CDK19: variants seen among roughly 807,000 people sequenced by gnomAD.
The protein encoded by CDK19 is cyclin-dependent kinase 19.
A neutral mutation model predicts 68.3 loss-of-function variants in CDK19; 20 were observed. That is an observed-to-expected ratio of 0.29 (90% confidence interval 0.21 to 0.43). The LOEUF (loss-of-function observed/expected upper bound fraction) is 0.43, where lower values mean the gene tolerates loss of function less well. Among genes scored for constraint, CDK19 ranks in the 20% least tolerant of loss-of-function variants. The pLI is 1.00. For synonymous variants in CDK19, 221 were observed against 222.8 expected (o/e 0.99, Z 0.07); for missense variants, 339 against 623.5 (o/e 0.54, Z 4.86).
intron 1 of CDK19, among the ~76,000 whole-genome samples, chr6:110,800,629 T>C (rs1292628064): frequency 2.6e-5 from 4 of 152,150 alleles, no homozygotes; most frequent in African/African-American, 9.7e-5. Flanking sequence ...ATTCCTGGGA[T>C]GCAAGGATGG....
At chr6:110,805,907 G>C (rs953556144) in intron 1 of CDK19, among the ~76,000 whole-genome samples, 1 of 150,488 alleles carries the variant, frequency 6.6e-6, no homozygotes, top group African/African-American at 2.5e-5. Context: ...AGTAGCTTAA[G>C]CCCAGGAGGC....
chr6:110,724,904 TATA>T (rs1776214994), intron 2 of CDK19, among the ~76,000 whole-genome samples: 1 of 152,140 alleles, frequency 6.6e-6, no homozygotes, highest in African/African-American at 2.4e-5. Flanking sequence ...AATTCTAAAT[TATA>T]CAGATATGGG....
intron 2 of CDK19, among the ~76,000 whole-genome samples, chr6:110,691,723 T>C (rs1016231504): frequency 1.1e-4 from 17 of 150,996 alleles, no homozygotes; most frequent in Admixed American, 6.6e-4. Flanking sequence ...TCTTGGCTCA[T>C]TGCAACCTCC....
At chr6:110,748,104 C>T (rs1364750658) in intron 1 of CDK19, among the ~76,000 whole-genome samples, 1 of 152,108 alleles carries the variant, frequency 6.6e-6, no homozygotes, top group African/African-American at 2.4e-5. Context: ...ATTTTTTCAA[C>T]AGAAACATTT....
intron 2 of CDK19, among the ~76,000 whole-genome samples, chr6:110,692,598 G>A (rs560446114): frequency 6.6e-6 from 1 of 152,290 alleles, no homozygotes; most frequent in East Asian, 1.9e-4. Context: ...CCTGGCCTTT[G>A]GCTAGAGATT....
intron 2 of CDK19, among the ~76,000 whole-genome samples, chr6:110,682,586 C>T (rs987125696): frequency 2.8e-4 from 42 of 152,258 alleles, no homozygotes; most frequent in African/African-American, 9.9e-4. Context: ...TTCAAGGTGG[C>T]CCTAAATCTT....
chr6:110,780,095 G>T (rs1780689425), intron 1 of CDK19, among the ~76,000 whole-genome samples: 1 of 152,042 alleles, frequency 6.6e-6, no homozygotes, highest in African/African-American at 2.4e-5. Flanking sequence ...GCACATGTCT[G>T]TAATCCCAGC....
intron 9 of CDK19, 103 bp downstream of exon 9, chr6:110,623,187 A>T (rs1778822572): frequency 2.2e-6 from 2 of 912,240 alleles, no homozygotes; most frequent in Non-Finnish European, 3.5e-6. Flanking sequence ...TTACCCCAGC[A>T]TCCACTAATT....
chr6:110,658,769 G>A (rs969336610), intron 4 of CDK19, among the ~76,000 whole-genome samples: 12 of 152,156 alleles, frequency 7.9e-5, no homozygotes, highest in African/African-American at 2.9e-4. Context: ...GCTTTGTAAA[G>A]CTGAAGGGGC....
intron 5 of CDK19, among the ~76,000 whole-genome samples, chr6:110,637,591 G>A (rs965590196): frequency 6.6e-6 from 1 of 152,278 alleles, no homozygotes; most frequent in South Asian, 2.1e-4. Context: ...CTTTAGCATG[G>A]TATATTCTAA....
At chr6:110,798,628 G>GAAAAAA (rs59236293) in intron 1 of CDK19, among the ~76,000 whole-genome samples, 2 of 56,728 alleles carry the variant, frequency 3.5e-5, no homozygotes, top group Non-Finnish European at 7.5e-5. Context: ...TCTGTCTCCA[G>GAAAAAA]AAAAAAAAAA....
At chr6:110,642,662 A>AT (rs1780282172) in intron 4 of CDK19, among the ~76,000 whole-genome samples, 1 of 152,140 alleles carries the variant, frequency 6.6e-6, no homozygotes, top group African/African-American at 2.4e-5. Context: ...TATATGCTAT[A>AT]TAAGAAACAA....
chr6:110,781,172 T>C (rs765961000), intron 1 of CDK19, among the ~76,000 whole-genome samples: 16 of 152,162 alleles, frequency 1.1e-4, no homozygotes, highest in Non-Finnish European at 2.4e-4. Flanking sequence ...CTGCAGGCCA[T>C]ATAAGAAACA....
chr6:110,689,556 T>A (rs1423950489), intron 2 of CDK19, among the ~76,000 whole-genome samples: 1 of 152,182 alleles, frequency 6.6e-6, no homozygotes, highest in Non-Finnish European at 1.5e-5. Context: ...AGGAAAAAAC[T>A]TGTGCATCAC....
At position 110,734,494 on chromosome 6, in the gene CDK19, T is replaced by C. The variant is rs147893597; in HGVS notation, c.204+11632A>G. ...AAAACAGTCAACTCCTCAAATACTA[T>C]TGATAAAACTAAGAGGGTGAGCACT... On this transcript the variant is annotated intron_variant, in intron 2 of 12. Coordinates refer to ENST00000368911, the MANE Select transcript of CDK19 (RefSeq NM_015076.5). Among the ~76,000 whole-genome samples the C allele has an allele frequency of 9.5e-4, 132 of 138,826 alleles. 2 individuals are homozygous for C. Among genetic ancestry groups the C allele is most frequent in the South Asian group, 2.1e-3 (9 of 4,366 alleles). The allele number at this position is 138,826 out of a possible 152,430, so 91.1% of individuals were successfully genotyped here. A position where few individuals can be genotyped will look rare whatever the true frequency, so the allele number is the denominator to read the frequency against.
At chr6:110,698,098 G>C (rs1773643838) in intron 2 of CDK19, among the ~76,000 whole-genome samples, 1 of 151,976 alleles carries the variant, frequency 6.6e-6, no homozygotes, top group South Asian at 2.1e-4. Context: ...CTGGACATTG[G>C]AATAGGCAAA....
intron 1 of CDK19, among the ~76,000 whole-genome samples, chr6:110,801,508 T>G (rs1032378993): frequency 2.0e-5 from 3 of 150,364 alleles, no homozygotes; most frequent in South Asian, 4.2e-4. Context: ...AAATTACAGG[T>G]TTTTTTGTGT....
intron 2 of CDK19, among the ~76,000 whole-genome samples, chr6:110,709,319 T>C (rs920491051): frequency 1.3e-5 from 2 of 151,978 alleles, no homozygotes; most frequent in Non-Finnish European, 2.9e-5. Context: ...TACAGATGAA[T>C]GGAACAGAAT....
At chr6:110,655,876 C>T (rs1781281525) in intron 4 of CDK19, among the ~76,000 whole-genome samples, 1 of 152,328 alleles carries the variant, frequency 6.6e-6, no homozygotes, top group Middle Eastern at 3.4e-3. Context: ...AAAATCCACA[C>T]TTCTAAACAG....
Sources: allele counts gnomAD v4.1 joint callset (sites outside exome capture counted in the v4.1 genomes callset), GRCh38; gene constraint gnomAD v4.1.1; transcripts MANE v1.5; gene names NCBI Gene and HGNC (gene_info 2026-07-23, HGNC 2026-07-21).